SETBP1: variants seen among roughly 807,000 people sequenced by gnomAD.
SETBP1 encodes SET-binding protein.
Under a neutral mutation model 101.0 loss-of-function variants are expected in SETBP1, and 9 were observed. The observed-to-expected ratio is 0.09, with a 90% CI of 0.05 to 0.16. The LOEUF is 0.16. Ranked by LOEUF, SETBP1 falls within the 10% of genes least tolerant of loss-of-function variation. The probability of loss-of-function intolerance (pLI) is 1.00; values close to 1 mark genes in which losing one functional copy is unlikely to be tolerated. For synonymous variants in SETBP1, 818 were observed against 788.5 expected, an observed-to-expected ratio of 1.04 and a Z score of -0.63; for missense variants, 1,858 against 2,033.8, an observed-to-expected ratio of 0.91 and a Z score of 1.66.
intron 2 of SETBP1, among the ~76,000 whole-genome samples, chr18:44,779,470 T>A (rs1343598595): frequency 6.6e-6 from 1 of 152,250 alleles, no homozygotes; most frequent in Non-Finnish European, 1.5e-5. Context: ...TCAGCATGTA[T>A]GAGGTTCCTT....
chr18:44,991,319 T>A (rs1044772614), intron 4 of SETBP1, among the ~76,000 whole-genome samples: 2 of 125,074 alleles, frequency 1.6e-5, no homozygotes, highest in Non-Finnish European at 3.5e-5. Flanking sequence ...AATAAAATAA[T>A]AATAACAGTA....
intron 2 of SETBP1, among the ~76,000 whole-genome samples, chr18:44,738,923 A>G (rs1038236102): frequency 2.6e-5 from 4 of 152,316 alleles, no homozygotes; most frequent in African/African-American, 9.6e-5. Context: ...TCTGGGGGTT[A>G]AAGTCAGAAA....
chr18:45,019,509 G>A (rs2073014619), intron 4 of SETBP1, among the ~76,000 whole-genome samples: 1 of 152,028 alleles, frequency 6.6e-6, no homozygotes, highest in Admixed American at 6.6e-5. Flanking sequence ...TTGCCTCATT[G>A]GCAATTCTTG....
chr18:44,947,521 G>A (rs1383789232), intron 3 of SETBP1, among the ~76,000 whole-genome samples: 2 of 136,254 alleles, frequency 1.5e-5, no homozygotes, highest in African/African-American at 2.8e-5. Context: ...TTTTTGAGAC[G>A]GAGTTTCACT....
At chr18:44,844,448 A>T (rs952541137) in intron 2 of SETBP1, among the ~76,000 whole-genome samples, 3 of 152,106 alleles carry the variant, frequency 2.0e-5, no homozygotes, top group Non-Finnish European at 2.9e-5. Flanking sequence ...TTATGCAGTG[A>T]TGTGTGCTCT....
intron 2 of SETBP1, among the ~76,000 whole-genome samples, chr18:44,762,355 A>T (rs2144593684): frequency 6.6e-6 from 1 of 152,322 alleles, no homozygotes; most frequent in Non-Finnish European, 1.5e-5. Flanking sequence ...TGTACAACCC[A>T]TTAAGCAAGT....
intron 2 of SETBP1, among the ~76,000 whole-genome samples, chr18:44,823,442 A>G (rs746730037): frequency 4.6e-5 from 7 of 152,224 alleles, no homozygotes; most frequent in Non-Finnish European, 8.8e-5. Context: ...GAAAGCAAAT[A>G]AATGATTCAG....
intron 2 of SETBP1, among the ~76,000 whole-genome samples, chr18:44,732,097 T>C (rs2069849718): frequency 6.6e-6 from 1 of 152,204 alleles, no homozygotes; most frequent in South Asian, 2.1e-4. Flanking sequence ...GAGCAATGTG[T>C]CTGTGTGAGT....
At position 44,725,060 on chromosome 18, in the gene SETBP1, A is replaced by G. The variant is rs533878567; in HGVS notation, c.486+23228A>G. Among the ~76,000 whole-genome samples the G allele has an allele frequency of 3.3e-3, 505 of 152,268 alleles. 3 individuals are homozygous for G. The highest frequency in any genetic ancestry group is 5.9e-3 in the Non-Finnish European group (398 of 68,012). ...ACTCATTTAGCACATGGTCACTGGC[A>G]ATGGGGGTTTACTTTCAAAGGAGGG... On this transcript the variant is annotated intron_variant, in intron 2 of 5. Transcript: ENST00000649279.
At position 45,067,548 on chromosome 18, in the gene SETBP1, G is replaced by A. The variant is rs991591988; in HGVS notation, c.*3850G>A. 1 of 152,134 alleles carries A rather than the reference G, an allele frequency of 6.6e-6. No individual in the cohort carries two copies. The highest frequency in any genetic ancestry group is 2.4e-5 in the African/African-American group (1 of 41,410). The allele number at this position is 152,134 out of a possible 1,614,324, so 9.4% of individuals were successfully genotyped here. A position where few individuals can be genotyped will look rare whatever the true frequency, so the allele number is the denominator to read the frequency against. On this transcript the variant is annotated 3_prime_UTR_variant, in exon 6 of 6. Transcript: ENST00000649279. Reference sequence around the variant, plus strand: ...CAGTCCTTCTCGTTATGTAAAAGTAGATAAATATAGACGTTATTCTCAACA... The same window carrying A: ...CAGTCCTTCTCGTTATGTAAAAGTAAATAAATATAGACGTTATTCTCAACA...
At chr18:44,989,676 C>A (rs888562568) in intron 4 of SETBP1, among the ~76,000 whole-genome samples, 3 of 150,842 alleles carry the variant, frequency 2.0e-5, no homozygotes, top group African/African-American at 7.3e-5. Flanking sequence ...GAGACCATCC[C>A]GGCTAAAACG....
At chr18:44,745,392 T>C (rs2070215016) in intron 2 of SETBP1, among the ~76,000 whole-genome samples, 1 of 152,104 alleles carries the variant, frequency 6.6e-6, no homozygotes, top group Admixed American at 6.5e-5. Context: ...ATGACCAAGA[T>C]CGCAGCCTCA....
rs139347907 is a variant in SETBP1, at chr18:44,755,938, G to A, written c.486+54106G>A. Among the ~76,000 whole-genome samples the A allele has an allele frequency of 9.3e-3, 1,413 of 152,172 alleles. 22 individuals are homozygous for A. Among genetic ancestry groups the A allele is most frequent in the African/African-American group, 0.029 (1,207 of 41,520 alleles). ...CTCCAATTAAAAAACAAAATTGGCC[G>A]GGCGCGGTGGCTCACACCTGTAATC... On this transcript the variant is annotated intron_variant, in intron 2 of 5. Transcript: ENST00000649279.
At chr18:44,944,663 A>C (rs890025105) in intron 3 of SETBP1, among the ~76,000 whole-genome samples, 1 of 152,240 alleles carries the variant, frequency 6.6e-6, no homozygotes, top group East Asian at 1.9e-4. Context: ...TTTCCTGCTC[A>C]TGTAATCCCA....
chr18:44,810,979 C>T (rs749323000), intron 2 of SETBP1, among the ~76,000 whole-genome samples: 1 of 152,162 alleles, frequency 6.6e-6, no homozygotes, highest in Non-Finnish European at 1.5e-5. Flanking sequence ...GCTCATGACT[C>T]AGTAAAGATT....
At chr18:44,941,077 C>CT (rs71177660) in intron 3 of SETBP1, among the ~76,000 whole-genome samples, 2,243 of 74,816 alleles carry the variant, frequency 0.03, 136 homozygotes, top group Middle Eastern at 0.043. Flanking sequence ...AGAAGTCAGA[C>CT]TTTTTTTTTT....
At chr18:44,758,978 G>T (rs565375955) in intron 2 of SETBP1, among the ~76,000 whole-genome samples, 10 of 152,188 alleles carry the variant, frequency 6.6e-5, no homozygotes, top group Admixed American at 3.3e-4. Context: ...ATGCTGGCCC[G>T]TGGTCTACAC....
chr18:45,029,077 G>T (rs534629101), intron 4 of SETBP1, among the ~76,000 whole-genome samples: 1 of 152,290 alleles, frequency 6.6e-6, no homozygotes, highest in African/African-American at 2.4e-5. Flanking sequence ...TAGACATGAA[G>T]TCCTTGCCCA....
At chr18:44,774,070 T>G (rs1425335684) in intron 2 of SETBP1, among the ~76,000 whole-genome samples, 2 of 152,110 alleles carry the variant, frequency 1.3e-5, no homozygotes, top group Non-Finnish European at 2.9e-5. Context: ...TTGAGGACAA[T>G]GTGAGAAAGA....
Sources: allele counts gnomAD v4.1 joint callset (sites outside exome capture counted in the v4.1 genomes callset), GRCh38; gene constraint gnomAD v4.1.1; transcripts MANE v1.5; gene names NCBI Gene and HGNC (gene_info 2026-07-23, HGNC 2026-07-21).